BMERB1: variants seen among roughly 807,000 people sequenced by gnomAD.
BMERB1 encodes the protein bMERB domain-containing protein 1.
In BMERB1, 12 loss-of-function variants were observed where a neutral mutation model predicts 23.6. The ratio of observed to expected loss-of-function variants is 0.51; its 90% CI spans 0.33 to 0.82. BMERB1 has a LOEUF of 0.82. Among genes scored for constraint, BMERB1 ranks in the 40% least tolerant of loss-of-function variants. The pLI, the probability that BMERB1 is intolerant of heterozygous loss-of-function variation, is 0.03. For missense variants in BMERB1, 247 were observed against 255.4 expected (o/e 0.97, Z 0.22); for synonymous variants, 122 against 96.6 (o/e 1.26, Z -1.54).
chr16:15,473,502 A>G (rs921164705), intron 1 of BMERB1, among the ~76,000 whole-genome samples: 1 of 151,598 alleles, frequency 6.6e-6, no homozygotes, highest in Non-Finnish European at 1.5e-5. Context: ...TATGTTGGCC[A>G]GGCTGGTCTC....
rs541492629 is a variant in BMERB1 at position 15,536,496 on chromosome 16, C to G, written c.230+21068C>G. The G allele has an allele frequency of 2.0e-5, 3 of 152,552 alleles. No individual in the cohort carries two copies. In the South Asian group the frequency reaches 6.2e-4, roughly 32 times the overall value. The allele number at this position is 152,552 out of a possible 1,614,324, so 9.4% of individuals were successfully genotyped here. A position where few individuals can be genotyped will look rare whatever the true frequency, so the allele number is the denominator to read the frequency against. Reference sequence around the variant, plus strand: ...AGCTCCCTGGACAATTGTAGAAGGTCTAATTCCTATAACGCATCCCTTGCC... The same window carrying G: ...AGCTCCCTGGACAATTGTAGAAGGTGTAATTCCTATAACGCATCCCTTGCC... On this transcript the variant is annotated intron_variant, in intron 2 of 5. Transcript: ENST00000300006.
chr16:15,471,565 C>G (rs902677943), intron 1 of BMERB1, among the ~76,000 whole-genome samples: 1 of 152,098 alleles, frequency 6.6e-6, no homozygotes, highest in African/African-American at 2.4e-5. Flanking sequence ...AGATTATCAC[C>G]TGTTTCATTT....
intron 1 of BMERB1, among the ~76,000 whole-genome samples, chr16:15,473,709 A>G (rs893003337): frequency 6.6e-6 from 1 of 152,312 alleles, no homozygotes; most frequent in East Asian, 1.9e-4. Context: ...CAGATATAGA[A>G]TTCACAATTC....
At chr16:15,553,071 G>C (rs1354887445) in intron 2 of BMERB1, among the ~76,000 whole-genome samples, 1 of 152,086 alleles carries the variant, frequency 6.6e-6, no homozygotes, top group African/African-American at 2.4e-5. Context: ...TCAGTGGTAC[G>C]ATCTCAGCTC....
At chr16:15,477,450 T>G (rs548684038) in intron 1 of BMERB1, among the ~76,000 whole-genome samples, 11 of 152,186 alleles carry the variant, frequency 7.2e-5, no homozygotes, top group Admixed American at 6.5e-5. Context: ...AGCAACATAG[T>G]GAGACCTCCT....
intron 1 of BMERB1, among the ~76,000 whole-genome samples, chr16:15,486,045 C>T (rs529641148): frequency 1.3e-5 from 2 of 152,088 alleles, no homozygotes; most frequent in South Asian, 2.1e-4. Flanking sequence ...AGTTCAAGAC[C>T]AGGCTGGCCA....
At chr16:15,503,814 G>A (rs1032452138) in intron 1 of BMERB1, among the ~76,000 whole-genome samples, 4 of 152,114 alleles carry the variant, frequency 2.6e-5, no homozygotes, top group Non-Finnish European at 4.4e-5. Flanking sequence ...TTGAAGCGAC[G>A]TCTGTCTTAA....
chr16:15,463,886 A>AC (rs1275955586), intron 1 of BMERB1, among the ~76,000 whole-genome samples: 1 of 152,050 alleles, frequency 6.6e-6, no homozygotes, highest in East Asian at 1.9e-4. Flanking sequence ...AAAAAAAAAA[A>AC]AAAAACTTGA....
intron 2 of BMERB1, among the ~76,000 whole-genome samples, chr16:15,542,464 C>G (rs940468563): frequency 3.3e-5 from 5 of 152,018 alleles, no homozygotes; most frequent in Non-Finnish European, 7.4e-5. Context: ...CCCTCATTAG[C>G]ATACACTCAG....
intron 2 of BMERB1, among the ~76,000 whole-genome samples, chr16:15,521,701 A>T (rs1341458303): frequency 6.6e-6 from 1 of 151,994 alleles, no homozygotes; most frequent in Non-Finnish European, 1.5e-5. Flanking sequence ...GCATTTAGAG[A>T]TCTCTTTCTT....
chr16:15,481,748 GTC>G (rs934221827), intron 1 of BMERB1, among the ~76,000 whole-genome samples: 2 of 148,910 alleles, frequency 1.3e-5, no homozygotes, highest in African/African-American at 2.5e-5. Context: ...TTGAGATGGA[GTC>G]TCTCTCTGTC....
intron 2 of BMERB1, among the ~76,000 whole-genome samples, chr16:15,523,642 G>A (rs986313793): frequency 1.3e-5 from 2 of 152,118 alleles, no homozygotes; most frequent in Non-Finnish European, 2.9e-5. Context: ...CAAATACTTT[G>A]TCCTGTTTCA....
chr16:15,544,395 C>T (rs1355378717), intron 2 of BMERB1, among the ~76,000 whole-genome samples: 1 of 152,166 alleles, frequency 6.6e-6, no homozygotes, highest in Non-Finnish European at 1.5e-5. Flanking sequence ...TAATTTAGTT[C>T]ACTGGGCACA....
intron 1 of BMERB1, among the ~76,000 whole-genome samples, chr16:15,500,251 T>G (rs2051515044): frequency 6.6e-6 from 1 of 152,118 alleles, no homozygotes; most frequent in Non-Finnish European, 1.5e-5. Flanking sequence ...GCCAGTCCTA[T>G]TAGGATTTAG....
Position 15,572,244 on chromosome 16 carries a change from C to A in BMERB1, c.304+4188C>A, listed in dbSNP as rs981512765. ...AAATGAGGCCAATAATACTACCCCCCGCATGGTTGTTGTGAATATCCCATA... is the reference window on the plus strand; with the variant it reads ...AAATGAGGCCAATAATACTACCCCCAGCATGGTTGTTGTGAATATCCCATA... On this transcript the variant is annotated intron_variant, in intron 3 of 5. Coordinates refer to ENST00000300006, the MANE Select transcript of BMERB1 (RefSeq NM_033201.3). Among the ~76,000 whole-genome samples the A allele has an allele frequency of 1.4e-4, 22 of 152,288 alleles. 1 individual carries two copies. The highest frequency in any genetic ancestry group is 7.2e-4 in the Admixed American group (11 of 15,298).
At chr16:15,577,922 G>A (rs921463901) in intron 3 of BMERB1, among the ~76,000 whole-genome samples, 4 of 152,194 alleles carry the variant, frequency 2.6e-5, no homozygotes, top group African/African-American at 7.2e-5. Flanking sequence ...AGATCTCATC[G>A]GGAAACCGCT....
chr16:15,493,485 A>G (rs982803165), intron 1 of BMERB1, among the ~76,000 whole-genome samples: 3 of 152,176 alleles, frequency 2.0e-5, no homozygotes, highest in African/African-American at 7.2e-5. Flanking sequence ...AAGGATTTCC[A>G]GTACTGATGC....
At chr16:15,523,657 C>T (rs942345126) in intron 2 of BMERB1, among the ~76,000 whole-genome samples, 20 of 152,176 alleles carry the variant, frequency 1.3e-4, no homozygotes, top group Admixed American at 1.1e-3. Flanking sequence ...GTTTCAGCCT[C>T]GGCTTCCCCA....
intron 2 of BMERB1, among the ~76,000 whole-genome samples, chr16:15,534,792 C>T (rs747421572): frequency 6.6e-6 from 1 of 152,122 alleles, no homozygotes; most frequent in African/African-American, 2.4e-5. Flanking sequence ...AAGACACTTA[C>T]TTCTCCTGTC....
Sources: gnomAD v4.1 joint callset for allele counts (sites outside exome capture counted in the v4.1 genomes callset) on GRCh38, gnomAD v4.1.1 for gene constraint, MANE v1.5 for transcripts, NCBI Gene and HGNC (gene_info 2026-07-23, HGNC 2026-07-21) for gene names.